Variants in COMMD10 observed in about 807,000 individuals in gnomAD.
COMMD10 encodes the protein COMM domain containing 10, also known as COMM domain-containing protein 10.
COMMD10 carries 33 observed loss-of-function variants against 28.9 expected under a neutral mutation model. The observed-to-expected ratio is 1.14, with a 90% CI of 0.87 to 1.53. The LOEUF is 1.53. Ranked by LOEUF, COMMD10 falls within the 40% of genes most tolerant of loss-of-function variation. The probability of loss-of-function intolerance (pLI) is 0.00; values close to 1 mark genes in which losing one functional copy is unlikely to be tolerated. For synonymous variants in COMMD10, 110 were observed against 81.7 expected, an observed-to-expected ratio of 1.35 and a Z score of -1.87; for missense variants, 310 against 233.4, an observed-to-expected ratio of 1.33 and a Z score of -2.14.
chr5:116,289,634 C>A (rs947675028), intron 5 of COMMD10, among the ~76,000 whole-genome samples: 1 of 151,836 alleles, frequency 6.6e-6, no homozygotes, highest in East Asian at 1.9e-4. Context: ...ATGGTTCATT[C>A]TTTTATTTCT....
At chr5:116,203,763 C>G (rs1243350881) in intron 5 of COMMD10, among the ~76,000 whole-genome samples, 1 of 152,222 alleles carries the variant, frequency 6.6e-6, no homozygotes, top group African/African-American at 2.4e-5. Context: ...AAAGGCACAA[C>G]TGGTACCAGC....
chr5:116,128,880 T>C (rs1429625694), intron 4 of COMMD10, among the ~76,000 whole-genome samples: 1 of 151,816 alleles, frequency 6.6e-6, no homozygotes, highest in African/African-American at 2.4e-5. Context: ...GTTAGAATAC[T>C]GTGTAAGTGA....
intron 5 of COMMD10, among the ~76,000 whole-genome samples, chr5:116,207,195 C>G (rs1338472756): frequency 3.9e-5 from 6 of 152,038 alleles, no homozygotes; most frequent in African/African-American, 9.7e-5. Context: ...TCTTTTTACT[C>G]CCATGGTTTT....
chr5:116,128,266 A>T (rs954113122), intron 4 of COMMD10, among the ~76,000 whole-genome samples: 1 of 152,086 alleles, frequency 6.6e-6, no homozygotes, highest in African/African-American at 2.4e-5. Context: ...TTTTAGTAAC[A>T]TTCTCAGGTA....
At chr5:116,208,330 C>T (rs1285019623) in intron 5 of COMMD10, among the ~76,000 whole-genome samples, 2 of 151,940 alleles carry the variant, frequency 1.3e-5, no homozygotes, top group East Asian at 3.9e-4. Flanking sequence ...CTGTTCACCT[C>T]CCCCCACCAA....
chr5:116,226,458 G>A (rs1211071194), intron 5 of COMMD10, among the ~76,000 whole-genome samples: 2 of 138,472 alleles, frequency 1.4e-5, no homozygotes, highest in Non-Finnish European at 3.1e-5. Flanking sequence ...TATTTCAGCT[G>A]ATGGACTTTC....
intron 4 of COMMD10, among the ~76,000 whole-genome samples, chr5:116,118,415 T>C (rs549605731): frequency 2.2e-4 from 34 of 152,350 alleles, no homozygotes; most frequent in Non-Finnish European, 3.5e-4. Context: ...AGAGTGTCAG[T>C]AAATATTTGT....
At chr5:116,122,720 G>T (rs1284566332) in intron 4 of COMMD10, among the ~76,000 whole-genome samples, 1 of 152,084 alleles carries the variant, frequency 6.6e-6, no homozygotes, top group African/African-American at 2.4e-5. Context: ...TGGATTCCTA[G>T]GTATTTTATT....
intron 5 of COMMD10, among the ~76,000 whole-genome samples, chr5:116,183,263 A>G (rs1394792393): frequency 1.3e-5 from 2 of 152,134 alleles, no homozygotes; most frequent in East Asian, 3.9e-4. Context: ...AGGGGAGACT[A>G]AGGATGATGC....
At chr5:116,150,913 A>G (rs1481148243) in intron 5 of COMMD10, among the ~76,000 whole-genome samples, 1 of 151,624 alleles carries the variant, frequency 6.6e-6, no homozygotes, top group Non-Finnish European at 1.5e-5. Context: ...GAGTGGTGAG[A>G]GAGGGCATCC....
intron 5 of COMMD10, among the ~76,000 whole-genome samples, chr5:116,250,505 A>G (rs1007106043): frequency 1.3e-5 from 2 of 151,732 alleles, no homozygotes; most frequent in African/African-American, 4.8e-5. Context: ...TTGATTGAAG[A>G]TGGAGGGCTG....
chr5:116,234,824 A>G lies in COMMD10; in HGVS notation c.511-56693A>G, dbSNP rs764325276. ...AGTCTGTTTTGTGAAGAGATCCCTT[A>G]AAGTATAATGGTGGCGGAGCACAGG... On this transcript the variant is annotated intron_variant, in intron 5 of 6. Coordinates refer to ENST00000274458, the MANE Select transcript of COMMD10 (RefSeq NM_016144.4). Among the ~76,000 whole-genome samples the G allele has an allele frequency of 1.6e-4, 25 of 152,320 alleles. No homozygotes were observed. In the Middle Eastern group the frequency reaches 0.01, roughly 62 times the overall value.
In COMMD10 at chr5:116,242,708, C is replaced by G. The variant is rs559268821; in HGVS notation, c.511-48809C>G. On this transcript the variant is annotated intron_variant, in intron 5 of 6. Coordinates refer to ENST00000274458, the MANE Select transcript of COMMD10 (RefSeq NM_016144.4). Reference sequence around the variant, plus strand: ...CTTCTGCTTCAGCCAGAGCAATTGCCTGTTCATTGTTTTAATATATTGAGC... The same window carrying G: ...CTTCTGCTTCAGCCAGAGCAATTGCGTGTTCATTGTTTTAATATATTGAGC... Among the ~76,000 whole-genome samples, 10 of 152,188 alleles carry G rather than the reference C, an allele frequency of 6.6e-5. No homozygotes were observed. In the East Asian group the frequency reaches 1.9e-3, roughly 29 times the overall value.
At position 116,214,068 on chromosome 5, in the gene COMMD10, G is replaced by A. The variant is rs116632699; in HGVS notation, c.511-77449G>A. Among the ~76,000 whole-genome samples the A allele has an allele frequency of 2.5e-3, 379 of 152,166 alleles. 3 individuals are homozygous for A. Among genetic ancestry groups the A allele is most frequent in the African/African-American group, 8.9e-3 (371 of 41,522 alleles). ...ATTATGTAGGGTAGCCTAAACAATGGTTGATTATTGTGTTTGTGTATATTT... is the reference window on the plus strand; with the variant it reads ...ATTATGTAGGGTAGCCTAAACAATGATTGATTATTGTGTTTGTGTATATTT... On this transcript the variant is annotated intron_variant, in intron 5 of 6. Transcript: ENST00000274458.
At chr5:116,247,497 C>T (rs987794715) in intron 5 of COMMD10, among the ~76,000 whole-genome samples, 2 of 151,948 alleles carry the variant, frequency 1.3e-5, no homozygotes, top group African/African-American at 2.4e-5. Flanking sequence ...ATTAATAAAC[C>T]ATTTTATTAT....
chr5:116,086,985 T>C (rs1440158597), intron 1 of COMMD10, among the ~76,000 whole-genome samples: 1 of 152,202 alleles, frequency 6.6e-6, no homozygotes, highest in Non-Finnish European at 1.5e-5. Context: ...TCAAAATTGA[T>C]TACTGTTGTA....
At chr5:116,256,160 A>T (rs1200505281) in intron 5 of COMMD10, among the ~76,000 whole-genome samples, 1 of 151,658 alleles carries the variant, frequency 6.6e-6, no homozygotes. Context: ...CTGGCTTCTG[A>T]GTGGTTATCT....
intron 5 of COMMD10, among the ~76,000 whole-genome samples, chr5:116,164,713 T>C (rs1753036403): frequency 6.6e-6 from 1 of 152,178 alleles, no homozygotes; most frequent in Admixed American, 6.5e-5. Context: ...TCTGAAATAG[T>C]AAAAAGAGTG....
chr5:116,261,849 C>T (rs1326464043), intron 5 of COMMD10, among the ~76,000 whole-genome samples: 2 of 151,704 alleles, frequency 1.3e-5, no homozygotes, highest in African/African-American at 4.9e-5. Context: ...TTCCACTGGC[C>T]AGCCATTCTT....
Sources: gnomAD v4.1 joint callset for allele counts (sites outside exome capture counted in the v4.1 genomes callset) on GRCh38, gnomAD v4.1.1 for gene constraint, MANE v1.5 for transcripts, NCBI Gene and HGNC (gene_info 2026-07-23, HGNC 2026-07-21) for gene names.